The following FMN1 variants were observed in gnomAD, a reference collection of about 807,000 sequenced individuals.
The protein encoded by FMN1 is formin-1.
In FMN1, 110 loss-of-function variants were observed where a neutral mutation model predicts 132.4. That is an observed-to-expected ratio of 0.83 (90% CI 0.71 to 0.97). The LOEUF (loss-of-function observed/expected upper bound fraction) is 0.97, where lower values mean the gene tolerates loss of function less well. Ranked by LOEUF, FMN1 falls within the 50% of genes least tolerant of loss-of-function variation. The pLI is 0.00. For missense variants in FMN1, 1,792 were observed against 1,705.3 expected (o/e 1.05, Z -0.90); for synonymous variants, 722 against 651.7 (o/e 1.11, Z -1.64).
At chr15:33,007,809 A>AT (rs1275731368) in intron 7 of FMN1, among the ~76,000 whole-genome samples, 3 of 152,196 alleles carry the variant, frequency 2.0e-5, no homozygotes, top group Non-Finnish European at 4.4e-5. Context: ...CATTTATGGT[A>AT]TTTTTTAAAA....
At chr15:32,987,600 T>C (rs1030134817) in intron 7 of FMN1, among the ~76,000 whole-genome samples, 5 of 152,204 alleles carry the variant, frequency 3.3e-5, no homozygotes, top group Admixed American at 6.5e-5. Flanking sequence ...AAGATTGGCA[T>C]GAAGATCATT....
chr15:32,976,381 G>A (rs142459637), intron 7 of FMN1, among the ~76,000 whole-genome samples: 24 of 152,230 alleles, frequency 1.6e-4, no homozygotes, highest in African/African-American at 4.1e-4. Context: ...AGGAGATGGC[G>A]ATTCTATGGC....
At chr15:32,938,718 G>A (rs1484485216) in intron 9 of FMN1, among the ~76,000 whole-genome samples, 1 of 152,134 alleles carries the variant, frequency 6.6e-6, no homozygotes, top group African/African-American at 2.4e-5. Context: ...AAGTATTTGA[G>A]AGCAACTGTT....
At chr15:33,174,754 C>CAAACTCG in intron 3 of FMN1, among the ~76,000 whole-genome samples, 1 of 152,008 alleles carries the variant, frequency 6.6e-6, no homozygotes, top group East Asian at 1.9e-4. Context: ...TTGCCAGCTC[C>CAAACTCG]CATACTGTGA....
chr15:32,958,549 TATACATACATACATACATACATACATAC>T (rs34715846), intron 9 of FMN1, among the ~76,000 whole-genome samples: 1 of 150,554 alleles, frequency 6.6e-6, no homozygotes, highest in Non-Finnish European at 1.5e-5. Context: ...TTTGAGAAGA[TATACATACATACATACATACATACATAC>T]ATACATACAT....
At chr15:32,862,808 A>C (rs2059303822) in intron 16 of FMN1, among the ~76,000 whole-genome samples, 1 of 152,216 alleles carries the variant, frequency 6.6e-6, no homozygotes, top group African/African-American at 2.4e-5. Flanking sequence ...TAGTTAAGTC[A>C]GAATACAGTT....
At chr15:32,914,274 T>C (rs1287983235) in intron 10 of FMN1, among the ~76,000 whole-genome samples, 1 of 152,194 alleles carries the variant, frequency 6.6e-6, no homozygotes, top group African/African-American at 2.4e-5. Flanking sequence ...CACTAATCTA[T>C]TAATCACCAA....
At chr15:32,904,771 C>T (rs1362092090) in intron 12 of FMN1, among the ~76,000 whole-genome samples, 5 of 152,158 alleles carry the variant, frequency 3.3e-5, no homozygotes. Context: ...ATGCAAGGAG[C>T]ACCATAGCTC....
chr15:33,150,886 T>A, intron 4 of FMN1: 1 of 1,008,004 alleles, frequency 9.9e-7, no homozygotes, highest in Non-Finnish European at 1.2e-6. Context: ...AGGGACACTG[T>A]AGTGTGATGG....
intron 16 of FMN1, among the ~76,000 whole-genome samples, chr15:32,880,300 TTC>T (rs2059737944): frequency 1.3e-5 from 2 of 152,362 alleles, no homozygotes; most frequent in South Asian, 2.1e-4. Context: ...GAATTTTTTT[TTC>T]TGATTTAGTT....
At chr15:32,915,046 C>G (rs2060651448) in intron 10 of FMN1, among the ~76,000 whole-genome samples, 1 of 152,116 alleles carries the variant, frequency 6.6e-6, no homozygotes, top group Non-Finnish European at 1.5e-5. Flanking sequence ...TCAGAGGTAG[C>G]AGAAGCAATA....
chr15:33,165,723 A>G (rs1965081027), intron 3 of FMN1, among the ~76,000 whole-genome samples: 1 of 151,924 alleles, frequency 6.6e-6, no homozygotes, highest in African/African-American at 2.4e-5. Flanking sequence ...CTGCAAAGAG[A>G]CGATTGTAAC....
intron 3 of FMN1, 79 bp from the exon 4 acceptor site, chr15:33,155,124 ACCATGACTTAT>A (rs1964620957): frequency 1.4e-5 from 7 of 514,732 alleles, no homozygotes; most frequent in Middle Eastern, 5.1e-4. Flanking sequence ...TCAAAGCATA[ACCATGACTTAT>A]CCTTCCTCTG....
chr15:32,889,319 GTTGT>G (rs1320238086), intron 15 of FMN1, among the ~76,000 whole-genome samples: 1 of 152,154 alleles, frequency 6.6e-6, no homozygotes, highest in Non-Finnish European at 1.5e-5. Context: ...TTCTCCCTGA[GTTGT>G]TTAACGTAAG....
chr15:33,075,246 A>G (rs547113556), intron 5 of FMN1, among the ~76,000 whole-genome samples: 2 of 152,180 alleles, frequency 1.3e-5, no homozygotes, highest in South Asian at 2.1e-4. Flanking sequence ...AGTAAGTAGG[A>G]TATGTTTTCC....
At chr15:32,908,377 G>A (rs2060476903) in intron 12 of FMN1, 113 bp downstream of exon 12, 1 of 689,714 alleles carries the variant, frequency 1.4e-6, no homozygotes, top group East Asian at 2.7e-5. Flanking sequence ...GAATGACGGT[G>A]TTGTGATTTA....
At chr15:32,836,287 T>C (rs1256781416) in intron 17 of FMN1, among the ~76,000 whole-genome samples, 3 of 152,208 alleles carry the variant, frequency 2.0e-5, no homozygotes, top group African/African-American at 7.2e-5. Context: ...AGGTGATGCC[T>C]TCCCTCTGAG....
At chr15:33,018,175 T>C (rs952006025) in intron 6 of FMN1, among the ~76,000 whole-genome samples, 1 of 152,170 alleles carries the variant, frequency 6.6e-6, no homozygotes, top group Non-Finnish European at 1.5e-5. Flanking sequence ...AGAGCCCTTG[T>C]GCATGAGATT....
intron 9 of FMN1, among the ~76,000 whole-genome samples, chr15:32,958,317 G>T (rs192157062): frequency 3.9e-5 from 6 of 152,250 alleles, no homozygotes; most frequent in Admixed American, 2.0e-4. Flanking sequence ...CACCAAGGTG[G>T]CAAGTTACCA....
Sources: allele counts gnomAD v4.1 joint callset (sites outside exome capture counted in the v4.1 genomes callset), GRCh38; gene constraint gnomAD v4.1.1; transcripts MANE v1.5; gene names NCBI Gene and HGNC (gene_info 2026-07-23, HGNC 2026-07-21).